Variants in EPHA5 observed in about 807,000 individuals in gnomAD.
EPHA5 encodes EPH receptor A5.
In EPHA5, 60 loss-of-function variants were observed where a neutral mutation model predicts 105.0. The observed-to-expected ratio is 0.57, with a 90% CI of 0.46 to 0.71. The LOEUF (loss-of-function observed/expected upper bound fraction) is 0.71. EPHA5 is among the 30% of genes least tolerant of loss of function. The pLI, the probability that EPHA5 is intolerant of heterozygous loss-of-function variation, is 0.00. For missense variants in EPHA5, 1,218 were observed against 1,274.7 expected, an observed-to-expected ratio of 0.96 and a Z score of 0.68; for synonymous variants, 513 against 449.1, an observed-to-expected ratio of 1.14 and a Z score of -1.80.
At chr4:65,340,734 G>A (rs936167526) in intron 14 of EPHA5, among the ~76,000 whole-genome samples, 5 of 152,160 alleles carry the variant, frequency 3.3e-5, no homozygotes, top group African/African-American at 1.2e-4. Flanking sequence ...CTGAACCTAT[G>A]CGAAGTAAGT....
At chr4:65,335,834 A>G (rs1312556433) in intron 15 of EPHA5, 98 bp downstream of exon 15, 1 of 1,245,222 alleles carries the variant, frequency 8.0e-7, no homozygotes, top group East Asian at 2.5e-5. Context: ...AGATTCACAG[A>G]TTAATGTCTA....
chr4:65,593,958 A>G (rs1025991935), intron 3 of EPHA5, among the ~76,000 whole-genome samples: 1 of 152,202 alleles, frequency 6.6e-6, no homozygotes, highest in Non-Finnish European at 1.5e-5. Flanking sequence ...ACTGATACTG[A>G]AATATTTGCT....
chr4:65,642,308 A>G (rs972721307), intron 2 of EPHA5, among the ~76,000 whole-genome samples: 1 of 152,084 alleles, frequency 6.6e-6, no homozygotes, highest in Admixed American at 6.5e-5. Context: ...GATAGATGAG[A>G]GAAAGAGTGT....
At chr4:65,495,119 A>G (rs977887918) in intron 4 of EPHA5, among the ~76,000 whole-genome samples, 3 of 152,200 alleles carry the variant, frequency 2.0e-5, no homozygotes, top group African/African-American at 7.2e-5. Flanking sequence ...ATAAGCCACA[A>G]AATAAAAGAA....
At chr4:65,441,033 C>G (rs138288448) in intron 5 of EPHA5, among the ~76,000 whole-genome samples, 1 of 152,068 alleles carries the variant, frequency 6.6e-6, no homozygotes, top group Non-Finnish European at 1.5e-5. Context: ...ACTTATTTCT[C>G]CACAAATAAA....
At chr4:65,493,152 C>T (rs1731583906) in intron 4 of EPHA5, among the ~76,000 whole-genome samples, 1 of 151,962 alleles carries the variant, frequency 6.6e-6, no homozygotes, top group Non-Finnish European at 1.5e-5. Flanking sequence ...GAAACTCAAA[C>T]TCAAGTGAAA....
chr4:65,514,034 C>A (rs966606586), intron 3 of EPHA5, among the ~76,000 whole-genome samples: 1 of 151,886 alleles, frequency 6.6e-6, no homozygotes, highest in East Asian at 1.9e-4. Context: ...TTTTCATATT[C>A]TCTTTACCTT....
intron 2 of EPHA5, among the ~76,000 whole-genome samples, chr4:65,640,171 C>G (rs1747513441): frequency 1.3e-5 from 2 of 151,876 alleles, no homozygotes; most frequent in Admixed American, 1.3e-4. Context: ...CTCCCCCACT[C>G]TGCAGGGTGT....
At chr4:65,415,473 A>G (rs1723302652) in intron 6 of EPHA5, among the ~76,000 whole-genome samples, 1 of 152,078 alleles carries the variant, frequency 6.6e-6, no homozygotes, top group Non-Finnish European at 1.5e-5. Context: ...TATACAATCT[A>G]TAAACATTTT....
intron 3 of EPHA5, among the ~76,000 whole-genome samples, chr4:65,583,718 C>T (rs73824324): frequency 0.037 from 5,548 of 151,610 alleles, 336 homozygotes; most frequent in African/African-American, 0.13. Flanking sequence ...GGTTATCACC[C>T]TTCAGAATAC....
chr4:65,608,919 TA>T (rs1744497039), intron 2 of EPHA5, among the ~76,000 whole-genome samples: 1 of 152,182 alleles, frequency 6.6e-6, no homozygotes, highest in Non-Finnish European at 1.5e-5. Flanking sequence ...GCATAAAATA[TA>T]AGGCCACTCG....
At chr4:65,523,081 C>T (rs1339452487) in intron 3 of EPHA5, among the ~76,000 whole-genome samples, 3 of 151,874 alleles carry the variant, frequency 2.0e-5, no homozygotes, top group Non-Finnish European at 4.4e-5. Context: ...GTTCTTAATA[C>T]TCAGTCACAC....
chr4:65,331,442 G>C, intron 16 of EPHA5: 1 of 1,046,344 alleles, frequency 9.6e-7, no homozygotes, highest in Non-Finnish European at 1.2e-6. Context: ...AATCAGAGGC[G>C]GGATCTGATA....
At chr4:65,540,112 G>A (rs1229582604) in intron 3 of EPHA5, among the ~76,000 whole-genome samples, 1 of 151,426 alleles carries the variant, frequency 6.6e-6, no homozygotes, top group African/African-American at 2.4e-5. Flanking sequence ...TGAAACAAAT[G>A]TCAAGAATGT....
At chr4:65,645,774 G>A (rs1293557984) in intron 1 of EPHA5, among the ~76,000 whole-genome samples, 1 of 151,988 alleles carries the variant, frequency 6.6e-6, no homozygotes, top group African/African-American at 2.4e-5. Context: ...TAATCTTACA[G>A]TGATATGGTC....
chr4:65,339,358 T>G (rs762377028), intron 14 of EPHA5, among the ~76,000 whole-genome samples: 1 of 152,098 alleles, frequency 6.6e-6, no homozygotes, highest in African/African-American at 2.4e-5. Flanking sequence ...ATATCACCCA[T>G]CCAGAGTATG....
intron 4 of EPHA5, among the ~76,000 whole-genome samples, chr4:65,492,142 GATTGTTTTAAAAGTGGTAAGAAAGCTA>G (rs1285508945): frequency 6.6e-6 from 1 of 152,010 alleles, no homozygotes; most frequent in African/African-American, 2.4e-5. Flanking sequence ...ACTTTTGAGG[GATTGTTTTAAAAGTGGTAAGAAAGCTA>G]ATTGGCATTT....
chr4:65,596,516 C>T (rs1027275910), intron 3 of EPHA5, among the ~76,000 whole-genome samples: 4 of 151,908 alleles, frequency 2.6e-5, no homozygotes, highest in African/African-American at 4.8e-5. Flanking sequence ...AAAAAACAAA[C>T]GCAGAGTACT....
intron 3 of EPHA5, among the ~76,000 whole-genome samples, chr4:65,520,689 A>AG (rs1245711639): frequency 1.3e-5 from 2 of 152,066 alleles, no homozygotes; most frequent in Non-Finnish European, 2.9e-5. Flanking sequence ...AAGAAAAAAA[A>AG]CAACCCCATC....
Sources: allele counts gnomAD v4.1 joint callset (sites outside exome capture counted in the v4.1 genomes callset), GRCh38; gene constraint gnomAD v4.1.1; transcripts MANE v1.5; gene names NCBI Gene and HGNC (gene_info 2026-07-23, HGNC 2026-07-21).